The following DRAM1 variants were observed in gnomAD, a reference collection of about 807,000 sequenced individuals.
DRAM1 encodes DNA damage regulated autophagy modulator 1, also known as DNA damage-regulated autophagy modulator protein 1.
Under a neutral mutation model 28.5 loss-of-function variants are expected in DRAM1, and 25 were observed. The ratio of observed to expected loss-of-function variants is 0.88; its 90% CI spans 0.64 to 1.23. The LOEUF is 1.23. Ranked by LOEUF, DRAM1 falls within the 50% of genes most tolerant of loss-of-function variation. The pLI is 0.00. For missense variants in DRAM1, 249 were observed against 299.2 expected, an observed-to-expected ratio of 0.83 and a Z score of 1.24; for synonymous variants, 113 against 114.2, an observed-to-expected ratio of 0.99 and a Z score of 0.07.
At chr12:101,882,242 G>A (rs1872715452) in intron 1 of DRAM1, among the ~76,000 whole-genome samples, 1 of 150,448 alleles carries the variant, frequency 6.6e-6, no homozygotes, top group Non-Finnish European at 1.5e-5. Context: ...CCGAGTAGCT[G>A]GGACTACAGG....
intron 4 of DRAM1, 39 bp downstream of exon 4, chr12:101,908,402 A>G: frequency 6.4e-7 from 1 of 1,571,516 alleles, no homozygotes; most frequent in Non-Finnish European, 8.6e-7. Context: ...AAAGGAATAA[A>G]ACATTCAGTG....
intron 4 of DRAM1, among the ~76,000 whole-genome samples, chr12:101,911,933 G>A (rs1226025613): frequency 1.3e-5 from 2 of 151,982 alleles, no homozygotes; most frequent in Non-Finnish European, 2.9e-5. Flanking sequence ...TAGGGGTCAG[G>A]CACGCCTGTA....
chr12:101,894,107 TTTTATTTTTTA>T (rs1458918602), intron 1 of DRAM1, among the ~76,000 whole-genome samples: 1 of 151,908 alleles, frequency 6.6e-6, no homozygotes, highest in Non-Finnish European at 1.5e-5. Flanking sequence ...TTTGTATTTA[TTTTATTTTTTA>T]TTTATTTTTT....
intron 1 of DRAM1, among the ~76,000 whole-genome samples, chr12:101,878,522 G>A (rs1256668543): frequency 6.6e-6 from 1 of 152,208 alleles, no homozygotes; most frequent in African/African-American, 2.4e-5. Context: ...AGCTGCACCA[G>A]ACACCTCTGG....
chr12:101,915,072 C>T (rs930798672), intron 5 of DRAM1, among the ~76,000 whole-genome samples: 3 of 150,828 alleles, frequency 2.0e-5, no homozygotes, highest in South Asian at 2.1e-4. Context: ...CTCTGCCTCC[C>T]GGGTTCATGC....
At chr12:101,907,461 T>C (rs1873863642) in intron 3 of DRAM1, among the ~76,000 whole-genome samples, 1 of 151,360 alleles carries the variant, frequency 6.6e-6, no homozygotes, top group African/African-American at 2.4e-5. Context: ...AAAGGCAGGG[T>C]TGGGTGCGGT....
At chr12:101,917,588 A>G (rs149046676) in intron 5 of DRAM1, among the ~76,000 whole-genome samples, 4,665 of 151,548 alleles carry the variant, frequency 0.031, 251 homozygotes, top group African/African-American at 0.11. Flanking sequence ...TGGGAGGCTG[A>G]GGCAGGAGAA....
chr12:101,889,514 GGAAA>G (rs1007817134), intron 1 of DRAM1, among the ~76,000 whole-genome samples: 1 of 114,768 alleles, frequency 8.7e-6, no homozygotes, highest in African/African-American at 4.4e-5. Context: ...AAGGAAGGAA[GGAAA>G]GGAAGGAAGG....
intron 1 of DRAM1, among the ~76,000 whole-genome samples, chr12:101,892,242 AT>A (rs111261102): frequency 0.024 from 3,476 of 146,600 alleles, 59 homozygotes; most frequent in African/African-American, 0.038. Flanking sequence ...TTTATTTTTT[AT>A]TTTTTTTTTT....
intron 4 of DRAM1, 85 bp downstream of exon 4, chr12:101,908,448 G>A (rs1736453413): frequency 1.5e-5 from 20 of 1,379,236 alleles, no homozygotes; most frequent in Non-Finnish European, 1.8e-5. Context: ...GACTTTATAG[G>A]GACCGCTGCA....
chr12:101,887,137 C>T (rs1161807569), intron 1 of DRAM1, among the ~76,000 whole-genome samples: 1 of 108,896 alleles, frequency 9.2e-6, no homozygotes, highest in Non-Finnish European at 1.8e-5. Context: ...AAGAGTGAAA[C>T]TCCGTTTCAA....
At chr12:101,895,186 G>GTTTTTTTTTTTTTTGTTTTTGTTTTTTT (rs1873301395) in intron 1 of DRAM1, among the ~76,000 whole-genome samples, 1 of 75,720 alleles carries the variant, frequency 1.3e-5, no homozygotes, top group South Asian at 5.4e-4. Context: ...AACCCTTCAG[G>GTTTTTTTTTTTTTTGTTTTTGTTTTTTT]TTTTTTTTTT....
chr12:101,921,346 C>A lies in DRAM1; in HGVS notation c.*86C>A. The A allele has an allele frequency of 9.6e-7, 1 of 1,041,378 alleles. No individual in the cohort carries two copies. The highest frequency in any genetic ancestry group is 1.5e-6 in the Non-Finnish European group (1 of 664,492). 64.5% of individuals were successfully genotyped at this position (1,041,378 alleles called of 1,614,324 possible). On this transcript the variant is annotated 3_prime_UTR_variant, in exon 7 of 7. Transcript: ENST00000258534. ...AGGACAGACAGGGTTTTGAGGCCACCCTGATTATTGGGATGCATCTGCAGC... is the reference window on the plus strand; with the variant it reads ...AGGACAGACAGGGTTTTGAGGCCACACTGATTATTGGGATGCATCTGCAGC...
Position 101,877,958 on chromosome 12 carries a change from G to GCACAGGGAC in DRAM1, c.131+47_131+55dup, listed in dbSNP as rs749909998. 1 of 1,453,836 alleles carries GCACAGGGAC rather than the reference G, an allele frequency of 6.9e-7. No homozygotes were observed. The highest frequency in any genetic ancestry group is 1.4e-5 in the African/African-American group (1 of 69,754). 90.1% of individuals were successfully genotyped at this position (1,453,836 alleles called of 1,614,324 possible). ...GTGGGCGTCAGGGCCCCAGGAGCAG[G>GCACAGGGAC]CACAGGGACCACAGGGAGCGCTGCC... On this transcript the variant is annotated intron_variant, in intron 1 of 6. Transcript: ENST00000258534. The surrounding 1 kb of genome is among the most constrained non-coding windows in gnomAD (Gnocchi z 4.1).
At chr12:101,889,768 C>T (rs941892907) in intron 1 of DRAM1, among the ~76,000 whole-genome samples, 3 of 151,626 alleles carry the variant, frequency 2.0e-5, no homozygotes, top group Non-Finnish European at 2.9e-5. Context: ...GATGAAACCC[C>T]ATCTCTACTA....
intron 2 of DRAM1, among the ~76,000 whole-genome samples, chr12:101,901,017 C>T (rs1006417358): frequency 6.6e-6 from 1 of 151,008 alleles, no homozygotes; most frequent in Non-Finnish European, 1.5e-5. Flanking sequence ...ATGGAAAAAG[C>T]AAGTCACAGA....
At chr12:101,901,221 A>C (rs1873589207) in intron 2 of DRAM1, 70 bp from the exon 3 acceptor site, 1 of 1,541,052 alleles carries the variant, frequency 6.5e-7, no homozygotes, top group African/African-American at 1.4e-5. Context: ...AAGTGATACA[A>C]AGCTGCTCCT....
chr12:101,911,815 T>A (rs956803338), intron 4 of DRAM1, among the ~76,000 whole-genome samples: 4 of 152,198 alleles, frequency 2.6e-5, no homozygotes, highest in African/African-American at 9.7e-5. Context: ...TTAAATAAGA[T>A]GTATGTTGTT....
At chr12:101,907,569 T>C (rs1873869290) in intron 3 of DRAM1, among the ~76,000 whole-genome samples, 1 of 151,316 alleles carries the variant, frequency 6.6e-6, no homozygotes, top group African/African-American at 2.4e-5. Flanking sequence ...CGAAACCCCG[T>C]CTCTACTAAA....
Sources: gnomAD v4.1 joint callset for allele counts (sites outside exome capture counted in the v4.1 genomes callset) on GRCh38, gnomAD v4.1.1 for gene constraint, Gnocchi (gnomAD v3.1) non-coding constraint, MANE v1.5 for transcripts, NCBI Gene and HGNC (gene_info 2026-07-23, HGNC 2026-07-21) for gene names.